The following GRK5 variants were observed in gnomAD, a reference collection of about 807,000 sequenced individuals.
The protein encoded by GRK5 is G protein-coupled receptor kinase 5, also known as g protein-coupled receptor kinase GRK5.
In GRK5, 40 loss-of-function variants were observed where a neutral mutation model predicts 78.4. The observed-to-expected ratio is 0.51, with a 90% CI of 0.40 to 0.66. The LOEUF (loss-of-function observed/expected upper bound fraction) is 0.66, where lower values mean the gene tolerates loss of function less well. GRK5 is among the 30% of genes least tolerant of loss of function. GRK5 has a pLI of 0.00. For synonymous variants in GRK5, 289 were observed against 296.8 expected (o/e 0.97, Z 0.27); for missense variants, 598 against 759.9 (o/e 0.79, Z 2.50).
At chr10:119,290,005 C>T (rs1469556650) in intron 1 of GRK5, among the ~76,000 whole-genome samples, 3 of 152,074 alleles carry the variant, frequency 2.0e-5, no homozygotes, top group African/African-American at 4.8e-5. Flanking sequence ...TGCTTAGTAG[C>T]GGAGGTTGAG....
At chr10:119,432,384 G>T (rs2133896465) in intron 8 of GRK5, among the ~76,000 whole-genome samples, 1 of 152,326 alleles carries the variant, frequency 6.6e-6, no homozygotes, top group South Asian at 2.1e-4. Context: ...GGATTTCGAG[G>T]CTGCAGTGAA....
chr10:119,231,557 A>T (rs926064126), intron 1 of GRK5, among the ~76,000 whole-genome samples: 5 of 151,794 alleles, frequency 3.3e-5, no homozygotes. Flanking sequence ...AATAAAAAAA[A>T]TTAGCTGGGC....
In GRK5 at chr10:119,401,387, T is replaced by G. The variant is rs1056453597; in HGVS notation, c.339+4615T>G. Among the ~76,000 whole-genome samples the G allele has an allele frequency of 7.2e-5, 11 of 152,156 alleles. No individual in the cohort carries two copies. In the Middle Eastern group the frequency reaches 0.01, roughly 141 times the overall value. Reference sequence around the variant, plus strand: ...TCGCCCATACAAGGCCAGCTTTGCTTTGGGGGTGTTACAGGGCAACAGCCA... The same window carrying G: ...TCGCCCATACAAGGCCAGCTTTGCTGTGGGGGTGTTACAGGGCAACAGCCA... On this transcript the variant is annotated intron_variant, in intron 4 of 15. Coordinates refer to ENST00000392870, the MANE Select transcript of GRK5 (RefSeq NM_005308.3).
intron 8 of GRK5, among the ~76,000 whole-genome samples, chr10:119,434,000 T>C (rs1383084461): frequency 6.6e-6 from 1 of 152,208 alleles, no homozygotes; most frequent in African/African-American, 2.4e-5. Flanking sequence ...AGGCACTTCT[T>C]ACATGGCGGT....
At chr10:119,395,915 G>A (rs939574256) in intron 3 of GRK5, among the ~76,000 whole-genome samples, 1 of 152,146 alleles carries the variant, frequency 6.6e-6, no homozygotes, top group Non-Finnish European at 1.5e-5. Flanking sequence ...CAGACGAGGG[G>A]TTGGGATGGC....
intron 1 of GRK5, among the ~76,000 whole-genome samples, chr10:119,225,486 G>T (rs550321344): frequency 6.6e-6 from 1 of 152,064 alleles, no homozygotes; most frequent in Non-Finnish European, 1.5e-5. Flanking sequence ...TCACATACGG[G>T]GGAAGAGGTT....
chr10:119,292,851 T>C (rs1850008771), intron 1 of GRK5, among the ~76,000 whole-genome samples: 1 of 17,310 alleles, frequency 5.8e-5, no homozygotes, highest in Admixed American at 5.9e-4. Flanking sequence ...CAGATACAGT[T>C]TTTTTTTTTT....
intron 1 of GRK5, among the ~76,000 whole-genome samples, chr10:119,319,722 A>G (rs1472086201): frequency 2.0e-5 from 3 of 152,200 alleles, no homozygotes. Flanking sequence ...CCAGCAGAAG[A>G]TTGTGCTCCC....
intron 13 of GRK5, among the ~76,000 whole-genome samples, chr10:119,448,958 C>A (rs1382915474): frequency 1.3e-5 from 2 of 152,206 alleles, no homozygotes; most frequent in Non-Finnish European, 2.9e-5. Context: ...GATTCCGGGG[C>A]CTGCTCTGTT....
chr10:119,261,361 C>T lies in GRK5; in HGVS notation c.52+53392C>T, dbSNP rs1849395615. ...GGGATGGCGGCCGGGAAGAGGCGCT[C>T]CTCACTTCCTAGATGGGATGGCGGC... On this transcript the variant is annotated intron_variant, in intron 1 of 15. Coordinates refer to ENST00000392870, the MANE Select transcript of GRK5 (RefSeq NM_005308.3). Among the ~76,000 whole-genome samples, 4 of 148,010 alleles carry T rather than the reference C, an allele frequency of 2.7e-5. No homozygotes were observed. The South Asian group carries it at 6.6e-4, about 24-fold the overall frequency.
At chr10:119,214,712 G>C (rs1848543410) in intron 1 of GRK5, among the ~76,000 whole-genome samples, 1 of 152,108 alleles carries the variant, frequency 6.6e-6, no homozygotes. Flanking sequence ...TAGAGATGGG[G>C]TTTCGCCCTG....
chr10:119,381,316 T>C (rs1284989869), intron 3 of GRK5, among the ~76,000 whole-genome samples: 2 of 152,262 alleles, frequency 1.3e-5, no homozygotes, highest in Non-Finnish European at 2.9e-5. Context: ...TTTGTCTGTT[T>C]GTACAATTGT....
intron 3 of GRK5, among the ~76,000 whole-genome samples, chr10:119,387,468 G>C (rs1851820170): frequency 6.6e-6 from 1 of 152,176 alleles, no homozygotes; most frequent in South Asian, 2.1e-4. Flanking sequence ...GGGTCTTCCA[G>C]GAACCTGAGA....
chr10:119,429,177 G>A (rs1357824353), intron 6 of GRK5, among the ~76,000 whole-genome samples: 1 of 152,200 alleles, frequency 6.6e-6, no homozygotes, highest in Non-Finnish European at 1.5e-5. Context: ...CTGGTGAAGG[G>A]AGAAGTGAGC....
Position 119,431,571 on chromosome 10 carries a change from G to T in GRK5, c.738+44G>T, listed in dbSNP as rs1852818295. 2.5e-6 allele frequency: 4 copies of T among 1,593,304 alleles called. No homozygotes were observed. The highest frequency in any genetic ancestry group is 3.4e-6 in the Non-Finnish European group (4 of 1,169,004). ...CCAGTGACCGGCTCGCCCTTCTGTG[G>T]ACTGGGGCTTCCCTCCCTCCGGAAG... On this transcript the variant is annotated intron_variant, in intron 8 of 15. Transcript: ENST00000392870. The surrounding 1 kb of genome is among the most constrained non-coding windows in gnomAD (Gnocchi z 4.8).
intron 1 of GRK5, among the ~76,000 whole-genome samples, chr10:119,293,808 T>TA (rs1850027714): frequency 6.6e-6 from 1 of 151,872 alleles, no homozygotes; most frequent in African/African-American, 2.4e-5. Context: ...GGTACCCGAG[T>TA]CTGGAGTAGG....
At chr10:119,297,211 T>C (rs1441422355) in intron 1 of GRK5, among the ~76,000 whole-genome samples, 1 of 152,256 alleles carries the variant, frequency 6.6e-6, no homozygotes, top group Non-Finnish European at 1.5e-5. Flanking sequence ...TCATTCTTTC[T>C]TGGGTGTAAT....
At chr10:119,368,055 C>T (rs140210958) in intron 2 of GRK5, among the ~76,000 whole-genome samples, 126 of 152,348 alleles carry the variant, frequency 8.3e-4, no homozygotes, top group African/African-American at 2.7e-3. Flanking sequence ...CCCGGCCCTC[C>T]GTGGCTTTTG....
intron 1 of GRK5, among the ~76,000 whole-genome samples, chr10:119,244,571 G>GA (rs1187366923): frequency 6.6e-6 from 1 of 152,058 alleles, no homozygotes; most frequent in Non-Finnish European, 1.5e-5. Flanking sequence ...CATCTCTACA[G>GA]AAAAAACAAA....
Sources: gnomAD v4.1 joint callset for allele counts (sites outside exome capture counted in the v4.1 genomes callset) on GRCh38, gnomAD v4.1.1 for gene constraint, Gnocchi (gnomAD v3.1) non-coding constraint, MANE v1.5 for transcripts, NCBI Gene and HGNC (gene_info 2026-07-23, HGNC 2026-07-21) for gene names.